NCOA7: variants seen among roughly 807,000 people sequenced by gnomAD.
NCOA7 encodes nuclear receptor coactivator 7, also known as 140 kDa estrogen receptor-associated protein.
NCOA7 carries 45 observed loss-of-function variants against 104.3 expected under a neutral mutation model. The ratio of observed to expected loss-of-function variants is 0.43; its 90% CI spans 0.34 to 0.55. The LOEUF (loss-of-function observed/expected upper bound fraction) is 0.55. NCOA7 is among the 20% of genes least tolerant of loss of function. The probability of loss-of-function intolerance (pLI) is 0.02; values close to 1 mark genes in which losing one functional copy is unlikely to be tolerated. For missense variants in NCOA7, 1,041 were observed against 1,119.7 expected (o/e 0.93, Z 1.00); for synonymous variants, 398 against 402.3 (o/e 0.99, Z 0.13).
chr6:125,894,712 C>G (rs1405665386), intron 10 of NCOA7, among the ~76,000 whole-genome samples: 4 of 151,470 alleles, frequency 2.6e-5, no homozygotes, highest in Non-Finnish European at 5.9e-5. Context: ...CTGATTTGGA[C>G]TGTATTAACC....
chr6:125,828,396 C>T (rs886844191), intron 2 of NCOA7, among the ~76,000 whole-genome samples: 4 of 152,120 alleles, frequency 2.6e-5, no homozygotes, highest in East Asian at 1.9e-4. Context: ...AGTTTCAGCA[C>T]AGTGGTGGGA....
chr6:125,892,867 A>G (rs1368629998), intron 10 of NCOA7, among the ~76,000 whole-genome samples: 1 of 152,150 alleles, frequency 6.6e-6, no homozygotes, highest in Non-Finnish European at 1.5e-5. Flanking sequence ...GTTAATGACA[A>G]TAGTTTTTTT....
chr6:125,900,934 G>C (rs1346605563), intron 10 of NCOA7, among the ~76,000 whole-genome samples: 11 of 152,188 alleles, frequency 7.2e-5, no homozygotes, highest in Non-Finnish European at 1.5e-5. Flanking sequence ...TTTCCAGCCA[G>C]GCCATTAGGA....
intron 1 of NCOA7, chr6:125,810,309 AT>A (rs926067707): frequency 6.6e-6 from 1 of 152,176 alleles, no homozygotes; most frequent in African/African-American, 2.4e-5. Flanking sequence ...TTTTCTGATG[AT>A]TCAAAAAATA....
rs76409398 is a variant in NCOA7, at chr6:125,783,452, T to C, written c.-142+2081T>C. On this transcript the variant is annotated intron_variant, in intron 1 of 16. Coordinates refer to the NCOA7 transcript ENST00000368357. ...GCAAAATGGTGATATTTTATCATTC[T>C]TCTGAAAAGAACTTTCCCTCCTCTC... is the stretch of plus-strand genomic sequence containing the variant. Among the ~76,000 whole-genome samples the C allele has an allele frequency of 2.2e-3, 340 of 152,324 alleles. 8 individuals are homozygous for C. The East Asian group carries it at 0.062, about 28-fold the overall frequency.
Position 125,888,930 on chromosome 6 carries a change from C to A in NCOA7, c.885-9C>A. On this transcript the variant is annotated splice_polypyrimidine_tract_variant and intron_variant, in intron 8 of 15. Transcript: ENST00000392477. ...ATTCCATGTGCACCCACCATTTCTCCCCCAACAGTGACCTACCTCAGGATC... is the reference window on the plus strand; with the variant it reads ...ATTCCATGTGCACCCACCATTTCTCACCCAACAGTGACCTACCTCAGGATC... 6.3e-7 allele frequency: 1 copy of A among 1,579,742 alleles called. No homozygotes were observed. Among genetic ancestry groups the A allele is most frequent in the Non-Finnish European group, 8.6e-7 (1 of 1,162,536 alleles).
chr6:125,909,592 C>T (rs1583521780), intron 10 of NCOA7, among the ~76,000 whole-genome samples: 4 of 152,036 alleles, frequency 2.6e-5, no homozygotes, highest in Admixed American at 1.3e-4. Context: ...GGGTGGATCA[C>T]GAGGTCAGGA....
intron 2 of NCOA7, among the ~76,000 whole-genome samples, chr6:125,845,272 T>TA (rs1162885242): frequency 3.3e-5 from 5 of 151,226 alleles, no homozygotes; most frequent in South Asian, 2.1e-4. Flanking sequence ...CTATCTGATT[T>TA]AAAAAAAAAG....
At position 125,916,553 on chromosome 6, in the gene NCOA7, G is replaced by A. The variant is rs573709946; in HGVS notation, c.2244+1073G>A. 6.8e-4 allele frequency among the ~76,000 whole-genome samples: 104 copies of A among 152,256 alleles called. 1 individual carries two copies. In the Middle Eastern group the frequency reaches 0.02, roughly 30 times the overall value. ...TGGGAGATGAGACTAGGAAAAATAGGTCTACCCCTCCTTCCTGTTCTGCTG... is the reference window on the plus strand; with the variant it reads ...TGGGAGATGAGACTAGGAAAAATAGATCTACCCCTCCTTCCTGTTCTGCTG... On this transcript the variant is annotated intron_variant, in intron 11 of 15. Transcript: ENST00000392477.
chr6:125,830,176 T>C (rs1473284283), intron 2 of NCOA7, among the ~76,000 whole-genome samples: 1 of 152,240 alleles, frequency 6.6e-6, no homozygotes. Flanking sequence ...ATTTATTCCT[T>C]GTTACTTCGA....
At chr6:125,843,799 C>T (rs371943678) in intron 2 of NCOA7, among the ~76,000 whole-genome samples, 3 of 152,186 alleles carry the variant, frequency 2.0e-5, no homozygotes, top group Non-Finnish European at 4.4e-5. Flanking sequence ...ATTTTTAGGC[C>T]GTGACTCAGC....
At chr6:125,879,899 G>A (rs1783682055) in intron 5 of NCOA7, among the ~76,000 whole-genome samples, 1 of 152,172 alleles carries the variant, frequency 6.6e-6, no homozygotes, top group Non-Finnish European at 1.5e-5. Flanking sequence ...AGCTACTTGG[G>A]AGGCTGAGGC....
intron 2 of NCOA7, among the ~76,000 whole-genome samples, chr6:125,828,340 T>C (rs1778838715): frequency 1.3e-5 from 2 of 152,210 alleles, no homozygotes; most frequent in African/African-American, 4.8e-5. Context: ...AAAGTATCCA[T>C]TAAGATTGAC....
chr6:125,849,691 G>A (rs2128613846), intron 2 of NCOA7, among the ~76,000 whole-genome samples: 1 of 152,216 alleles, frequency 6.6e-6, no homozygotes, highest in South Asian at 2.1e-4. Context: ...AAACTGGAGT[G>A]GGAAAGATAG....
intron 2 of NCOA7, among the ~76,000 whole-genome samples, chr6:125,834,917 G>T (rs1236543001): frequency 6.6e-6 from 1 of 152,192 alleles, no homozygotes; most frequent in African/African-American, 2.4e-5. Context: ...ATAGTGTCTG[G>T]TGTGGCATTA....
At chr6:125,890,054 C>A in intron 9 of NCOA7, 73 bp downstream of exon 9, 1 of 1,102,846 alleles carries the variant, frequency 9.1e-7, no homozygotes, top group Non-Finnish European at 1.3e-6. Flanking sequence ...CATGTAATAC[C>A]CACATTAGTA....
chr6:125,802,683 G>C (rs1776016495), intron 1 of NCOA7, among the ~76,000 whole-genome samples: 1 of 152,182 alleles, frequency 6.6e-6, no homozygotes, highest in African/African-American at 2.4e-5. Context: ...AAGGGAAGAA[G>C]TGCCTAATAA....
chr6:125,897,153 G>A (rs1445622916), intron 10 of NCOA7, among the ~76,000 whole-genome samples: 2 of 152,196 alleles, frequency 1.3e-5, no homozygotes, highest in Admixed American at 6.5e-5. Context: ...TATAATCTAT[G>A]TTGCGTGTAT....
At chr6:125,830,737 A>ATGTGTGTGTGTGTGTGTGTGTGTGTG (rs890797445) in intron 2 of NCOA7, among the ~76,000 whole-genome samples, 1 of 93,046 alleles carries the variant, frequency 1.1e-5, no homozygotes, top group African/African-American at 4.4e-5. Flanking sequence ...ATATATATAT[A>ATGTGTGTGTGTGTGTGTGTGTGTGTG]TGTGTGTGTG....
Sources: allele counts gnomAD v4.1 joint callset (sites outside exome capture counted in the v4.1 genomes callset), GRCh38; gene constraint gnomAD v4.1.1; transcripts MANE v1.5; gene names NCBI Gene and HGNC (gene_info 2026-07-23, HGNC 2026-07-21).